The following NCK1 variants were observed in gnomAD, a reference collection of about 807,000 sequenced individuals.
The protein encoded by NCK1 is NCK adaptor protein 1.
NCK1 carries 19 observed loss-of-function variants against 36.6 expected under a neutral mutation model. That is an observed-to-expected ratio of 0.52 (90% CI 0.36 to 0.76). The LOEUF is 0.76. Among genes scored for constraint, NCK1 ranks in the 30% least tolerant of loss-of-function variants. NCK1 has a pLI of 0.00. For synonymous variants in NCK1, 165 were observed against 156.0 expected (o/e 1.06, Z -0.43); for missense variants, 358 against 445.6 (o/e 0.80, Z 1.77).
intron 1 of NCK1, among the ~76,000 whole-genome samples, chr3:136,893,366 G>A (rs922780051): frequency 1.3e-5 from 2 of 151,358 alleles, no homozygotes; most frequent in African/African-American, 4.9e-5. Flanking sequence ...AGGTGGTACT[G>A]CATTGTGGTT....
intron 1 of NCK1, among the ~76,000 whole-genome samples, chr3:136,905,444 C>G (rs1210723521): frequency 6.7e-6 from 1 of 149,714 alleles, no homozygotes; most frequent in Non-Finnish European, 1.5e-5. Flanking sequence ...TTTTTTGAGA[C>G]AGAGATGGGG....
At chr3:136,916,348 C>A (rs753658983) in intron 1 of NCK1, among the ~76,000 whole-genome samples, 18 of 152,088 alleles carry the variant, frequency 1.2e-4, no homozygotes, top group Admixed American at 2.6e-4. Context: ...AAGTTAAATA[C>A]GTCTGATATT....
intron 1 of NCK1, among the ~76,000 whole-genome samples, chr3:136,900,658 C>T (rs544745251): frequency 1.3e-5 from 2 of 152,028 alleles, no homozygotes; most frequent in East Asian, 3.9e-4. Flanking sequence ...ATTTCTTTCT[C>T]AGCTAGTTTG....
chr3:136,884,410 A>C (rs1939020536), intron 1 of NCK1, among the ~76,000 whole-genome samples: 1 of 152,162 alleles, frequency 6.6e-6, no homozygotes, highest in African/African-American at 2.4e-5. Context: ...AGTATAGCTT[A>C]ATGAGAATGA....
At chr3:136,866,280 C>A (rs904657391) in intron 1 of NCK1, among the ~76,000 whole-genome samples, 1 of 151,738 alleles carries the variant, frequency 6.6e-6, no homozygotes, top group Non-Finnish European at 1.5e-5. Flanking sequence ...TATTTTTGTA[C>A]CTTCGTATCA....
intron 1 of NCK1, among the ~76,000 whole-genome samples, chr3:136,892,369 G>C (rs891989070): frequency 1.3e-5 from 2 of 152,156 alleles, no homozygotes; most frequent in African/African-American, 2.4e-5. Flanking sequence ...TTTTGATGAA[G>C]TCCAGTTTGA....
chr3:136,944,452 A>G (rs1576993581), intron 2 of NCK1, among the ~76,000 whole-genome samples: 1 of 152,188 alleles, frequency 6.6e-6, no homozygotes, highest in Non-Finnish European at 1.5e-5. Flanking sequence ...GGTATAGTTT[A>G]TTCTATAGGA....
rs1414652462 is a variant in NCK1 at position 136,922,263 on chromosome 3, T to C, written c.-18-5721T>C. Among the ~76,000 whole-genome samples the C allele has an allele frequency of 4.6e-5, 7 of 152,260 alleles. No individual in the cohort carries two copies. The East Asian group carries it at 1.2e-3, about 25-fold the overall frequency. Reference sequence around the variant, plus strand: ...AGGGACTGGGAACAAAAGTGAAAGTTATCTTTTTGATTGTTTGCATTCCAA... The same window carrying C: ...AGGGACTGGGAACAAAAGTGAAAGTCATCTTTTTGATTGTTTGCATTCCAA... On this transcript the variant is annotated intron_variant, in intron 1 of 3. Transcript: ENST00000481752.
chr3:136,930,757 T>C (rs777240404), intron 2 of NCK1, among the ~76,000 whole-genome samples: 25 of 152,196 alleles, frequency 1.6e-4, no homozygotes, highest in Non-Finnish European at 2.8e-4. Context: ...ATCCAAAAAT[T>C]GTAGTTTCGA....
intron 1 of NCK1, among the ~76,000 whole-genome samples, chr3:136,874,121 G>GT (rs1938701122): frequency 6.6e-6 from 1 of 152,120 alleles, no homozygotes; most frequent in Non-Finnish European, 1.5e-5. Context: ...TTGATTTTCA[G>GT]TTTTTTGGCT....
intron 1 of NCK1, among the ~76,000 whole-genome samples, chr3:136,910,318 T>TA (rs1939800811): frequency 6.6e-6 from 1 of 152,156 alleles, no homozygotes. Context: ...TAACATAGAG[T>TA]AACTTCCTGT....
At chr3:136,927,952 C>T in intron 1 of NCK1, 32 bp from the exon 2 acceptor site, 2 of 1,446,486 alleles carry the variant, frequency 1.4e-6, no homozygotes, top group Non-Finnish European at 1.9e-6. Flanking sequence ...CTACCTCAAC[C>T]TTACATAAAA....
chr3:136,948,162 T>C (rs953251272), intron 3 of NCK1, 97 bp from the exon 4 acceptor site: 17 of 908,996 alleles, frequency 1.9e-5, no homozygotes, highest in Non-Finnish European at 2.6e-5. Context: ...GCCTAGGACT[T>C]AGTAAGTGCT....
chr3:136,948,469 G>C lies in NCK1; in HGVS notation c.*16G>C. On this transcript the variant is annotated 3_prime_UTR_variant, in exon 4 of 4. Coordinates refer to ENST00000481752, the MANE Select transcript of NCK1 (RefSeq NM_001291999.2). ...TTTATCATGATACTGCTGACCAGAA[G>C]TGACTGCTGTGTAGCTGTAATTTGT... The C allele has an allele frequency of 6.2e-7, 1 of 1,601,488 alleles. No homozygotes were observed. Among genetic ancestry groups the C allele is most frequent in the South Asian group, 1.1e-5 (1 of 89,740 alleles).
At chr3:136,919,100 T>A (rs1418125674) in intron 1 of NCK1, among the ~76,000 whole-genome samples, 2 of 152,162 alleles carry the variant, frequency 1.3e-5, no homozygotes, top group Non-Finnish European at 1.5e-5. Context: ...AAAGCCAGAC[T>A]CAGCGTCTGC....
chr3:136,940,917 T>C (rs1283762581), intron 2 of NCK1, among the ~76,000 whole-genome samples: 1 of 152,152 alleles, frequency 6.6e-6, no homozygotes, highest in Non-Finnish European at 1.5e-5. Context: ...TCTTCCATCC[T>C]TTCATTTTCA....
chr3:136,863,026 G>A (rs1029287416), intron 1 of NCK1, among the ~76,000 whole-genome samples: 1 of 150,116 alleles, frequency 6.7e-6, no homozygotes. Flanking sequence ...CCTTTCTTCT[G>A]TATTAACATA....
At chr3:136,867,297 A>C (rs1938479111) in intron 1 of NCK1, 1 of 144,306 alleles carries the variant, frequency 6.9e-6, no homozygotes, top group African/African-American at 2.6e-5. Context: ...TTTTGACAGG[A>C]TCTCGCTCTG....
chr3:136,938,310 T>A (rs760947343), intron 2 of NCK1, among the ~76,000 whole-genome samples: 39 of 152,222 alleles, frequency 2.6e-4, no homozygotes, highest in Non-Finnish European at 4.4e-4. Flanking sequence ...AAATGATCCT[T>A]ATTTTTCACA....
Sources: allele counts gnomAD v4.1 joint callset (sites outside exome capture counted in the v4.1 genomes callset), GRCh38; gene constraint gnomAD v4.1.1; transcripts MANE v1.5; gene names NCBI Gene and HGNC (gene_info 2026-07-23, HGNC 2026-07-21).